GPR39: variants seen among roughly 807,000 people sequenced by gnomAD.
GPR39 encodes the protein G protein-coupled receptor 39.
Under a neutral mutation model 18.4 loss-of-function variants are expected in GPR39, and 23 were observed. That is an observed-to-expected ratio of 1.25 (90% CI 0.90 to 1.77). The LOEUF (loss-of-function observed/expected upper bound fraction) is 1.77, where lower values mean the gene tolerates loss of function less well. Among genes scored for constraint, GPR39 ranks in the 40% most tolerant of loss-of-function variants. The pLI is 0.00. For synonymous variants in GPR39, 280 were observed against 257.9 expected (o/e 1.09, Z -0.82); for missense variants, 647 against 602.4 (o/e 1.07, Z -0.78).
At chr2:132,567,848 T>C (rs1680378064) in intron 1 of GPR39, among the ~76,000 whole-genome samples, 1 of 151,674 alleles carries the variant, frequency 6.6e-6, no homozygotes. Flanking sequence ...ATAGTAAGTT[T>C]CACGAGATCT....
At chr2:132,554,915 C>G (rs983206671) in intron 1 of GPR39, among the ~76,000 whole-genome samples, 1 of 151,932 alleles carries the variant, frequency 6.6e-6, no homozygotes, top group East Asian at 1.9e-4. Flanking sequence ...CCGTTCAAAC[C>G]CCACACATGG....
intron 1 of GPR39, among the ~76,000 whole-genome samples, chr2:132,599,230 T>A (rs566541513): frequency 6.6e-6 from 1 of 152,312 alleles, no homozygotes; most frequent in Non-Finnish European, 1.5e-5. Flanking sequence ...TTTCTTCTCT[T>A]TGGGACTCTT....
At chr2:132,427,356 G>A (rs1050278449) in intron 1 of GPR39, among the ~76,000 whole-genome samples, 1 of 149,260 alleles carries the variant, frequency 6.7e-6, no homozygotes, top group South Asian at 2.1e-4. Flanking sequence ...TTTTAGTAGA[G>A]ATGGTGTTTC....
chr2:132,635,522 G>A (rs560457609), intron 1 of GPR39, among the ~76,000 whole-genome samples: 2 of 152,276 alleles, frequency 1.3e-5, no homozygotes, highest in South Asian at 2.1e-4. Flanking sequence ...GGCAATTGGT[G>A]TGAGAGGAAT....
intron 1 of GPR39, among the ~76,000 whole-genome samples, chr2:132,514,059 G>A (rs895990569): frequency 6.6e-6 from 1 of 152,114 alleles, no homozygotes; most frequent in African/African-American, 2.4e-5. Context: ...CTGATGTCCT[G>A]TGGCAGCAGG....
intron 1 of GPR39, among the ~76,000 whole-genome samples, chr2:132,641,843 G>C (rs187715259): frequency 6.6e-6 from 1 of 152,218 alleles, no homozygotes; most frequent in East Asian, 1.9e-4. Context: ...TTACTTTCTT[G>C]CTTGTGTTTC....
intron 1 of GPR39, among the ~76,000 whole-genome samples, chr2:132,562,356 T>A (rs1440296691): frequency 6.6e-6 from 1 of 152,200 alleles, no homozygotes; most frequent in South Asian, 2.1e-4. Context: ...CTTTGGCATG[T>A]TATACAAGCC....
At chr2:132,554,896 G>A (rs544503548) in intron 1 of GPR39, among the ~76,000 whole-genome samples, 4 of 151,868 alleles carry the variant, frequency 2.6e-5, no homozygotes, top group South Asian at 2.1e-4. Flanking sequence ...ACTTTCATAC[G>A]TGTTTGTACC....
intron 1 of GPR39, among the ~76,000 whole-genome samples, chr2:132,493,444 A>T: frequency 6.8e-6 from 1 of 147,322 alleles, no homozygotes; most frequent in African/African-American, 2.5e-5. Flanking sequence ...CACACACCAT[A>T]TATATACACA....
intron 1 of GPR39, among the ~76,000 whole-genome samples, chr2:132,552,946 T>A (rs58394767): frequency 0.14 from 20,963 of 149,720 alleles, 2,067 homozygotes; most frequent in East Asian, 0.54. Flanking sequence ...ATATATATTT[T>A]TTTTTTTGGA....
intron 1 of GPR39, among the ~76,000 whole-genome samples, chr2:132,470,676 T>A (rs1681013148): frequency 6.6e-6 from 1 of 150,922 alleles, no homozygotes; most frequent in African/African-American, 2.4e-5. Flanking sequence ...TAGATCCAGT[T>A]GTACAAAGGA....
In GPR39 at chr2:132,646,427, CTCATTGATAT is replaced by C; in HGVS notation, c.*825_*834del. 1 of 433,786 alleles carries C rather than the reference CTCATTGATAT, an allele frequency of 2.3e-6. No homozygotes were observed. Among genetic ancestry groups the C allele is most frequent in the Non-Finnish European group, 4.0e-6 (1 of 247,404 alleles). 26.9% of individuals were successfully genotyped at this position (433,786 alleles called of 1,614,324 possible). On this transcript the variant is annotated 3_prime_UTR_variant, in exon 2 of 2. Coordinates refer to ENST00000329321, the MANE Select transcript of GPR39 (RefSeq NM_001508.3). ...AGGTCAGGGAAGTGCTTCGGATTGT[CTCATTGATAT>C]TCAAGATAGATGGTGAAAGAGACAG...
chr2:132,469,969 A>T (rs10803531), intron 1 of GPR39, among the ~76,000 whole-genome samples: 1 of 152,030 alleles, frequency 6.6e-6, no homozygotes, highest in Non-Finnish European at 1.5e-5. Flanking sequence ...TGTGAAGTTC[A>T]GAGAATGCAA....
At chr2:132,603,886 T>C (rs1045721430) in intron 1 of GPR39, among the ~76,000 whole-genome samples, 5 of 152,172 alleles carry the variant, frequency 3.3e-5, no homozygotes, top group Admixed American at 1.3e-4. Flanking sequence ...GGCCTGATTT[T>C]TAAACAATGC....
rs115250535 is a variant in GPR39, at chr2:132,562,498, C to T, written c.857-82603C>T. On this transcript the variant is annotated intron_variant, in intron 1 of 1. Coordinates refer to ENST00000329321, the MANE Select transcript of GPR39 (RefSeq NM_001508.3). ...TCTCAGGATTTCTTACGGTTCTCTG[C>T]ATTTGCATGGACTCATCCTTCAGTC... Among the ~76,000 whole-genome samples the T allele has an allele frequency of 6.1e-4, 93 of 152,300 alleles. 1 individual carries two copies. Among genetic ancestry groups the T allele is most frequent in the African/African-American group, 1.9e-3 (79 of 41,560 alleles).
chr2:132,481,115 A>G lies in GPR39; in HGVS notation c.856+63217A>G, dbSNP rs530222143. ...ATTTCCAACCTGGTCAAGTGAACAC[A>G]ATGCCCTTACCTTTTTAGTGTGGCA... is the stretch of plus-strand genomic sequence containing the variant. On this transcript the variant is annotated intron_variant, in intron 1 of 1. Transcript: ENST00000329321. Among the ~76,000 whole-genome samples the G allele has an allele frequency of 9.2e-5, 14 of 152,320 alleles. No individual in the cohort carries two copies. The South Asian group carries it at 2.9e-3, about 32-fold the overall frequency.
At chr2:132,574,716 C>T (rs1680500885) in intron 1 of GPR39, among the ~76,000 whole-genome samples, 1 of 152,190 alleles carries the variant, frequency 6.6e-6, no homozygotes, top group Non-Finnish European at 1.5e-5. Flanking sequence ...GTCTGGGTGA[C>T]AGAGTGAGAC....
chr2:132,497,118 A>G (rs1027180630), intron 1 of GPR39, among the ~76,000 whole-genome samples: 14 of 152,340 alleles, frequency 9.2e-5, no homozygotes, highest in Non-Finnish European at 1.5e-4. Context: ...AGAGGAGCAC[A>G]TCCTGATGTG....
chr2:132,485,088 A>C (rs921167682), intron 1 of GPR39, among the ~76,000 whole-genome samples: 5 of 152,260 alleles, frequency 3.3e-5, no homozygotes, highest in Non-Finnish European at 7.3e-5. Flanking sequence ...TCGCAGGTTC[A>C]ATTCCAGACC....
Sources: gnomAD v4.1 joint callset for allele counts (sites outside exome capture counted in the v4.1 genomes callset) on GRCh38, gnomAD v4.1.1 for gene constraint, MANE v1.5 for transcripts, NCBI Gene and HGNC (gene_info 2026-07-23, HGNC 2026-07-21) for gene names.